Variants in NKAIN3 observed in about 807,000 individuals in gnomAD.
NKAIN3 encodes sodium/potassium-transporting ATPase subunit beta-1-interacting protein 3.
In NKAIN3, 25 loss-of-function variants were observed where a neutral mutation model predicts 30.2. The ratio of observed to expected loss-of-function variants is 0.83; its 90% CI spans 0.60 to 1.16. The LOEUF (loss-of-function observed/expected upper bound fraction) is 1.16. Ranked by LOEUF, NKAIN3 falls within the 50% of genes most tolerant of loss-of-function variation. The probability of loss-of-function intolerance (pLI) is 0.00; values close to 1 mark genes in which losing one functional copy is unlikely to be tolerated. For synonymous variants in NKAIN3, 91 were observed against 89.6 expected (o/e 1.02, Z -0.09); for missense variants, 225 against 254.1 (o/e 0.89, Z 0.78).
At chr8:62,263,733 T>C (rs1409842723) in intron 1 of NKAIN3, among the ~76,000 whole-genome samples, 1 of 152,212 alleles carries the variant, frequency 6.6e-6, no homozygotes. Context: ...AGTAAACCAC[T>C]GCAAATTTAA....
intron 4 of NKAIN3, among the ~76,000 whole-genome samples, chr8:62,872,158 T>A (rs773986822): frequency 8.5e-5 from 13 of 152,228 alleles, no homozygotes; most frequent in Non-Finnish European, 1.9e-4. Context: ...ATAGCCTAGA[T>A]GTATAGTTGG....
intron 1 of NKAIN3, among the ~76,000 whole-genome samples, chr8:62,375,863 T>C (rs966358908): frequency 3.3e-5 from 5 of 152,234 alleles, no homozygotes; most frequent in Non-Finnish European, 7.3e-5. Context: ...TTGATGCTGC[T>C]GTTCTGAGTC....
intron 3 of NKAIN3, among the ~76,000 whole-genome samples, chr8:62,668,257 T>C (rs1813193443): frequency 6.6e-6 from 1 of 152,190 alleles, no homozygotes; most frequent in Non-Finnish European, 1.5e-5. Flanking sequence ...CAATAAGGCA[T>C]GGACTTTGCT....
chr8:62,301,938 A>G (rs1400614333), intron 1 of NKAIN3, among the ~76,000 whole-genome samples: 4 of 152,080 alleles, frequency 2.6e-5, no homozygotes, highest in Non-Finnish European at 5.9e-5. Flanking sequence ...ACTCCATGCT[A>G]TCTTACCACC....
chr8:62,395,402 C>A (rs1277507114), intron 1 of NKAIN3, among the ~76,000 whole-genome samples: 4 of 152,184 alleles, frequency 2.6e-5, no homozygotes, highest in Non-Finnish European at 5.9e-5. Context: ...CTCTTCACTT[C>A]CCAGGCGGTG....
rs376236120 is a variant in NKAIN3, at chr8:62,595,988, A to C, written c.273+6194A>C. Among the ~76,000 whole-genome samples, 98 of 152,166 alleles carry C rather than the reference A, an allele frequency of 6.4e-4. No homozygotes were observed. In the South Asian group the frequency reaches 0.017, roughly 27 times the overall value. ...ACAAGGATTGAAATGTATGGCCTGC[A>C]GTGCAGGGGATTACTTGTTTGGCAC... On this transcript the variant is annotated intron_variant, in intron 3 of 6. Coordinates refer to ENST00000623646, the MANE Select transcript of NKAIN3 (RefSeq NM_001304533.3).
intron 1 of NKAIN3, among the ~76,000 whole-genome samples, chr8:62,524,368 A>G (rs1377438227): frequency 6.6e-6 from 1 of 152,030 alleles, no homozygotes. Context: ...TCCACTACAG[A>G]GATTTATGCT....
intron 4 of NKAIN3, among the ~76,000 whole-genome samples, chr8:62,913,901 T>C (rs1035014719): frequency 1.3e-5 from 2 of 152,080 alleles, no homozygotes; most frequent in Non-Finnish European, 2.9e-5. Context: ...GGTGGGAGAG[T>C]AAATTAGGTC....
At chr8:62,301,454 T>C (rs1001098104) in intron 1 of NKAIN3, among the ~76,000 whole-genome samples, 48 of 152,040 alleles carry the variant, frequency 3.2e-4, no homozygotes, top group Non-Finnish European at 1.5e-4. Context: ...ACAAAACAAC[T>C]GGACTGGTTA....
chr8:62,714,312 G>T (rs1358434687), intron 3 of NKAIN3, among the ~76,000 whole-genome samples: 1 of 151,726 alleles, frequency 6.6e-6, no homozygotes, highest in Non-Finnish European at 1.5e-5. Flanking sequence ...CTCAAAAATA[G>T]AGGGGACTTC....
At chr8:62,539,111 C>A (rs967767613) in intron 1 of NKAIN3, among the ~76,000 whole-genome samples, 1 of 152,190 alleles carries the variant, frequency 6.6e-6, no homozygotes, top group Non-Finnish European at 1.5e-5. Flanking sequence ...TCTACCAACT[C>A]CTGTGTCTGT....
At chr8:62,877,917 G>C (rs1015428421) in intron 4 of NKAIN3, among the ~76,000 whole-genome samples, 1 of 151,794 alleles carries the variant, frequency 6.6e-6, no homozygotes, top group Admixed American at 6.6e-5. Context: ...GCACATGCCT[G>C]TAATCTCAGC....
At chr8:62,529,143 G>A (rs569816802) in intron 1 of NKAIN3, among the ~76,000 whole-genome samples, 175 of 152,210 alleles carry the variant, frequency 1.1e-3, no homozygotes, top group African/African-American at 4.0e-3. Flanking sequence ...ATGTAATCCT[G>A]TCCTCTTCCC....
intron 3 of NKAIN3, among the ~76,000 whole-genome samples, chr8:62,691,692 T>G (rs375359459): frequency 2.0e-5 from 3 of 152,330 alleles, no homozygotes; most frequent in African/African-American, 7.2e-5. Flanking sequence ...GCCACTCACC[T>G]GTACAAAAGG....
intron 3 of NKAIN3, among the ~76,000 whole-genome samples, chr8:62,619,746 C>A (rs1458926042): frequency 1.3e-5 from 2 of 150,398 alleles, no homozygotes; most frequent in Admixed American, 6.6e-5. Context: ...ACCACTAATG[C>A]GTGTTGGTAA....
chr8:62,818,824 T>C (rs926782620), intron 4 of NKAIN3, among the ~76,000 whole-genome samples: 4 of 151,728 alleles, frequency 2.6e-5, no homozygotes, highest in African/African-American at 9.7e-5. Flanking sequence ...TCCTAAAGGG[T>C]AAGGAGGGAT....
At chr8:62,744,576 T>C (rs1305720493) in intron 3 of NKAIN3, among the ~76,000 whole-genome samples, 1 of 152,236 alleles carries the variant, frequency 6.6e-6, no homozygotes, top group Non-Finnish European at 1.5e-5. Context: ...ATCTCGAACC[T>C]GGTGAATTCT....
At position 62,463,314 on chromosome 8, in the gene NKAIN3, T is replaced by A. The variant is rs912085201; in HGVS notation, c.55-116225T>A. Among the ~76,000 whole-genome samples the A allele has an allele frequency of 3.3e-5, 5 of 152,198 alleles. No individual in the cohort carries two copies. In the East Asian group the frequency reaches 7.7e-4, roughly 23 times the overall value. The stretch of plus-strand genomic sequence containing the variant: ...TGCTTATTAGCAATTAATATTGATG[T>A]TACCTCAGAAAATGTTGAAAATCTA... On this transcript the variant is annotated intron_variant, in intron 1 of 6. Transcript: ENST00000623646.
At chr8:62,547,279 T>A (rs138415697) in intron 1 of NKAIN3, among the ~76,000 whole-genome samples, 16 of 152,332 alleles carry the variant, frequency 1.1e-4, no homozygotes, top group African/African-American at 3.8e-4. Context: ...CATGTCTCTC[T>A]TAACTCCTTC....
Sources: gnomAD v4.1 joint callset for allele counts (sites outside exome capture counted in the v4.1 genomes callset) on GRCh38, gnomAD v4.1.1 for gene constraint, MANE v1.5 for transcripts, NCBI Gene and HGNC (gene_info 2026-07-23, HGNC 2026-07-21) for gene names.